PCDH9: variants seen among roughly 807,000 people sequenced by gnomAD.
PCDH9 encodes protocadherin 9, also known as protocadherin-9.
In PCDH9, 24 loss-of-function variants were observed where a neutral mutation model predicts 70.6. The ratio of observed to expected loss-of-function variants is 0.34; its 90% CI spans 0.25 to 0.48. The LOEUF is 0.48. Among genes scored for constraint, PCDH9 ranks in the 20% least tolerant of loss-of-function variants. The pLI is 0.99. For missense variants in PCDH9, 1,281 were observed against 1,503.6 expected, an observed-to-expected ratio of 0.85 and a Z score of 2.45; for synonymous variants, 562 against 558.5, an observed-to-expected ratio of 1.01 and a Z score of -0.09.
intron 2 of PCDH9, among the ~76,000 whole-genome samples, chr13:66,951,629 C>A (rs895243482): frequency 1.1e-4 from 16 of 152,228 alleles, no homozygotes; most frequent in Admixed American, 3.3e-4. Context: ...CAGGGCCCAT[C>A]GCTTCTAACA....
At position 67,103,194 on chromosome 13, in the gene PCDH9, A is replaced by G. The variant is rs574745970; in HGVS notation, c.3036+122211T>C. Among the ~76,000 whole-genome samples, 69 of 152,246 alleles carry G rather than the reference A, an allele frequency of 4.5e-4. 1 individual carries two copies. In the South Asian group the frequency reaches 0.014, roughly 31 times the overall value. On this transcript the variant is annotated intron_variant, in intron 2 of 4. Coordinates refer to ENST00000377865, the MANE Select transcript of PCDH9 (RefSeq NM_203487.3). ...GATAGTTACAACTCAGTAAAAATATAAAAATGCTACAAGGAAAATAACACA... is the reference window on the plus strand; with the variant it reads ...GATAGTTACAACTCAGTAAAAATATGAAAATGCTACAAGGAAAATAACACA...
chr13:66,790,417 GA>G (rs1176892036), intron 3 of PCDH9, among the ~76,000 whole-genome samples: 1 of 151,994 alleles, frequency 6.6e-6, no homozygotes, highest in African/African-American at 2.4e-5. Context: ...CTCACAAAGA[GA>G]GGTTCTAATT....
intron 4 of PCDH9, among the ~76,000 whole-genome samples, chr13:66,506,246 T>C (rs1452883206): frequency 6.6e-6 from 1 of 152,168 alleles, no homozygotes; most frequent in Non-Finnish European, 1.5e-5. Flanking sequence ...ACATTGTCTT[T>C]TATGGGCCTC....
chr13:67,063,894 T>C (rs2138134466), intron 2 of PCDH9, among the ~76,000 whole-genome samples: 1 of 152,286 alleles, frequency 6.6e-6, no homozygotes, highest in South Asian at 2.1e-4. Flanking sequence ...GGAATTGATA[T>C]GATATTTATA....
At chr13:66,600,053 T>C (rs1227026108) in intron 4 of PCDH9, among the ~76,000 whole-genome samples, 1 of 151,872 alleles carries the variant, frequency 6.6e-6, no homozygotes, top group Non-Finnish European at 1.5e-5. Context: ...TCCTTCTCAG[T>C]CACATATAAG....
At chr13:66,642,110 T>A (rs1388466550) in intron 3 of PCDH9, among the ~76,000 whole-genome samples, 1 of 152,110 alleles carries the variant, frequency 6.6e-6, no homozygotes, top group Non-Finnish European at 1.5e-5. Context: ...TATCTATATA[T>A]TCATGTAACA....
intron 3 of PCDH9, among the ~76,000 whole-genome samples, chr13:66,666,005 C>A (rs2078091794): frequency 6.6e-6 from 1 of 152,146 alleles, no homozygotes; most frequent in South Asian, 2.1e-4. Flanking sequence ...TTGGGTGAAA[C>A]TCAAGAGAAT....
chr13:67,164,203 A>G (rs1483067301), intron 2 of PCDH9, among the ~76,000 whole-genome samples: 1 of 152,222 alleles, frequency 6.6e-6, no homozygotes, highest in Admixed American at 6.5e-5. Context: ...TTAAAATAAC[A>G]CAAATATATA....
intron 2 of PCDH9, among the ~76,000 whole-genome samples, chr13:66,961,578 G>A (rs962997303): frequency 6.6e-6 from 1 of 152,160 alleles, no homozygotes; most frequent in Non-Finnish European, 1.5e-5. Flanking sequence ...GGGGTTACTT[G>A]AGCCCAGGAG....
intron 2 of PCDH9, among the ~76,000 whole-genome samples, chr13:67,089,418 T>C (rs1022647117): frequency 3.9e-5 from 6 of 152,032 alleles, no homozygotes; most frequent in African/African-American, 1.4e-4. Context: ...CTCCAGCGAA[T>C]GGATCCAAAG....
intron 4 of PCDH9, among the ~76,000 whole-genome samples, chr13:66,457,264 A>C (rs1262815027): frequency 3.9e-5 from 6 of 152,102 alleles, no homozygotes; most frequent in Admixed American, 6.6e-5. Context: ...TCCTAAAATA[A>C]AACAGCTTAT....
At chr13:66,676,225 TAG>T (rs2078240624) in intron 3 of PCDH9, among the ~76,000 whole-genome samples, 1 of 152,168 alleles carries the variant, frequency 6.6e-6, no homozygotes, top group South Asian at 2.1e-4. Context: ...ACTCTCACCT[TAG>T]CACTGTAACT....
intron 4 of PCDH9, among the ~76,000 whole-genome samples, chr13:66,605,653 A>G (rs1028423018): frequency 3.9e-5 from 6 of 152,140 alleles, no homozygotes; most frequent in African/African-American, 1.4e-4. Context: ...CAGGACTGGC[A>G]CTCTGATGAT....
intron 4 of PCDH9, among the ~76,000 whole-genome samples, chr13:66,628,376 A>T (rs1046597418): frequency 6.6e-6 from 1 of 152,222 alleles, no homozygotes; most frequent in African/African-American, 2.4e-5. Flanking sequence ...TTACCACATG[A>T]TTCTTTTTAA....
chr13:67,181,942 A>G (rs1179848345), intron 2 of PCDH9, among the ~76,000 whole-genome samples: 4 of 152,186 alleles, frequency 2.6e-5, no homozygotes, highest in Admixed American at 6.5e-5. Context: ...TTTCTAGGAC[A>G]CTACAGTCCC....
chr13:66,468,693 T>C (rs1159281252), intron 4 of PCDH9, among the ~76,000 whole-genome samples: 1 of 152,140 alleles, frequency 6.6e-6, no homozygotes, highest in Non-Finnish European at 1.5e-5. Flanking sequence ...ATCCTCTGCA[T>C]AATTGCTTGT....
At chr13:66,923,434 A>G (rs1253630035) in intron 2 of PCDH9, among the ~76,000 whole-genome samples, 4 of 151,674 alleles carry the variant, frequency 2.6e-5, no homozygotes, top group Admixed American at 2.0e-4. Context: ...ATTGAATTAT[A>G]AAGACTTTAT....
In PCDH9 at chr13:66,630,373, A is replaced by G. The variant is rs145602307; in HGVS notation, c.3340+837T>C. ...GTAAAATAGAAATTACAGTCATTAG[A>G]CTGGGGATAATAATTGATGAAATGG... On this transcript the variant is annotated intron_variant, in intron 4 of 4. Transcript: ENST00000377865. Among the ~76,000 whole-genome samples, 635 of 152,278 alleles carry G rather than the reference A, an allele frequency of 4.2e-3. 20 individuals carry two copies. In the East Asian group the frequency reaches 0.08, roughly 19 times the overall value.
rs144236174 is a variant in PCDH9 at position 66,568,313 on chromosome 13, C to A, written c.3340+62897G>T. ...CCCAAACTTCCAAACTGTGAGAAAA[C>A]AAATTTATGTCATCTAAGTCATCCA... On this transcript the variant is annotated intron_variant, in intron 4 of 4. Transcript: ENST00000377865. 3.0e-4 allele frequency among the ~76,000 whole-genome samples: 45 copies of A among 152,080 alleles called. No individual in the cohort carries two copies. In the East Asian group the frequency reaches 7.3e-3, roughly 25 times the overall value.
Sources: gnomAD v4.1 joint callset for allele counts (sites outside exome capture counted in the v4.1 genomes callset) on GRCh38, gnomAD v4.1.1 for gene constraint, MANE v1.5 for transcripts, NCBI Gene and HGNC (gene_info 2026-07-23, HGNC 2026-07-21) for gene names.